The following SLC11A2 variants were observed in gnomAD, a reference collection of about 807,000 sequenced individuals.
The protein encoded by SLC11A2 is natural resistance-associated macrophage protein 2.
SLC11A2 carries 38 observed loss-of-function variants against 68.0 expected under a neutral mutation model. That is an observed-to-expected ratio of 0.56 (90% CI 0.43 to 0.73). The LOEUF (loss-of-function observed/expected upper bound fraction) is 0.73. Among genes scored for constraint, SLC11A2 ranks in the 30% least tolerant of loss-of-function variants. The pLI is 0.00. For missense variants in SLC11A2, 517 were observed against 690.5 expected, an observed-to-expected ratio of 0.75 and a Z score of 2.82; for synonymous variants, 242 against 250.6, an observed-to-expected ratio of 0.97 and a Z score of 0.32.
At chr12:50,999,063 C>T (rs1941979154) in intron 8 of SLC11A2, 111 bp downstream of exon 8, 1 of 910,656 alleles carries the variant, frequency 1.1e-6, no homozygotes, top group African/African-American at 1.7e-5. Context: ...TTGATACACC[C>T]ACTATAAGTG....
At chr12:50,961,102 G>A in the SLC11A2 span, 1 of 1,613,650 alleles carries the variant, frequency 6.2e-7, no homozygotes, top group Admixed American at 1.7e-5. Flanking sequence ...TGTGACTCTA[G>A]GTAACCCGCT....
chr12:50,992,710 C>A, intron 12 of SLC11A2, 100 bp downstream of exon 12: 1 of 1,308,392 alleles, frequency 7.6e-7, no homozygotes, highest in Non-Finnish European at 1.1e-6. Context: ...CCAACTTGGG[C>A]GACGAGTGAG....
intron 1 of SLC11A2, among the ~76,000 whole-genome samples, chr12:51,016,528 A>G (rs748534538): frequency 1.3e-5 from 2 of 151,988 alleles, no homozygotes; most frequent in Non-Finnish European, 2.9e-5. Context: ...CTTAAGATAC[A>G]AAAAATTAGC....
Position 50,987,758 on chromosome 12 carries a change from T to G in SLC11A2, c.*567A>C. The G allele has an allele frequency of 7.8e-7, 1 of 1,287,054 alleles. No homozygotes were observed. Among genetic ancestry groups the G allele is most frequent in the Non-Finnish European group, 1.0e-6 (1 of 988,640 alleles). The allele number at this position is 1,287,054 out of a possible 1,614,324, so 79.7% of individuals were successfully genotyped here. A position where few individuals can be genotyped will look rare whatever the true frequency, so the allele number is the denominator to read the frequency against. ...TTCCACTGAGAAATTAAAGTGGAAATAAGTTCAAAGAATCCTAAGCCTGAT... is the reference window on the plus strand; with the variant it reads ...TTCCACTGAGAAATTAAAGTGGAAAGAAGTTCAAAGAATCCTAAGCCTGAT... On this transcript the variant is annotated 3_prime_UTR_variant, in exon 16 of 16. Coordinates refer to ENST00000262052, the MANE Select transcript of SLC11A2 (RefSeq NM_000617.3).
intron 1 of SLC11A2, among the ~76,000 whole-genome samples, chr12:51,020,081 G>T (rs1943934965): frequency 6.6e-6 from 1 of 151,524 alleles, no homozygotes; most frequent in African/African-American, 2.4e-5. Context: ...TTTGAGACAG[G>T]GTCTTACAGA....
downstream of SLC11A2, among the ~76,000 whole-genome samples, chr12:50,985,230 G>A (rs577291906): frequency 6.6e-6 from 1 of 152,162 alleles, no homozygotes; most frequent in African/African-American, 2.4e-5. Context: ...CCAGAGGGCA[G>A]AGCTAAAGGA....
chr12:51,012,021 A>C (rs539941275), intron 1 of SLC11A2, among the ~76,000 whole-genome samples: 3 of 152,348 alleles, frequency 2.0e-5, no homozygotes, highest in Admixed American at 2.0e-4. Flanking sequence ...CTTCCTAAGA[A>C]AGTAAAGTCT....
rs759165922 is a variant in SLC11A2 at position 51,005,449 on chromosome 12, G to C, written c.184-13C>G. ...TAAAACAAGAGTACTGTACAAGAGA[G>C]GAAAAGAGATTAAACTGAACATCAC... On this transcript the variant is annotated splice_polypyrimidine_tract_variant and intron_variant, in intron 3 of 15. Coordinates refer to ENST00000262052, the MANE Select transcript of SLC11A2 (RefSeq NM_000617.3). The C allele has an allele frequency of 6.2e-7, 1 of 1,613,138 alleles. No homozygotes were observed. The highest frequency in any genetic ancestry group is 8.5e-7 in the Non-Finnish European group (1 of 1,179,472).
chr12:51,011,111 G>C (rs895783857), intron 1 of SLC11A2, among the ~76,000 whole-genome samples: 5 of 147,360 alleles, frequency 3.4e-5, no homozygotes, highest in African/African-American at 1.3e-4. Context: ...ATTTTAGTGA[G>C]ACAGCAAATA....
chr12:50,974,244 G>A, the SLC11A2 span, among the ~76,000 whole-genome samples: 1 of 152,180 alleles, frequency 6.6e-6, no homozygotes, highest in Admixed American at 6.5e-5. Context: ...AGAGAGAAAG[G>A]TCGGGTTACC....
the SLC11A2 span, chr12:50,954,133 C>T: frequency 8.6e-7 from 1 of 1,164,634 alleles, no homozygotes; most frequent in South Asian, 1.3e-5. Context: ...ACTGTAATAA[C>T]ACAATGATGC....
rs1941186537 is a variant in SLC11A2, at chr12:50,991,869, A to G, written c.1348-197T>C. Among the ~76,000 whole-genome samples, 3 of 152,218 alleles carry G rather than the reference A, an allele frequency of 2.0e-5. No individual in the cohort carries two copies. In the South Asian group the frequency reaches 6.2e-4, roughly 31 times the overall value. On this transcript the variant is annotated intron_variant, in intron 13 of 15. Transcript: ENST00000262052. Reference sequence around the variant, plus strand: ...ATTAACCTAGCATACAAACCTTTGTATGTGACTTGTCTTCTTAACCTCCAC... The same window carrying G: ...ATTAACCTAGCATACAAACCTTTGTGTGTGACTTGTCTTCTTAACCTCCAC...
intron 2 of SLC11A2, chr12:51,009,052 A>C: frequency 1.1e-6 from 1 of 946,852 alleles, no homozygotes; most frequent in Non-Finnish European, 1.6e-6. Flanking sequence ...CTAGCTTTTA[A>C]AAGAAAAGAA....
chr12:50,994,405 G>T (rs1592334003), intron 11 of SLC11A2, 139 bp downstream of exon 11: 1 of 696,742 alleles, frequency 1.4e-6, no homozygotes, highest in East Asian at 2.7e-5. Context: ...CAAAATGCTT[G>T]TCTGGTGTCT....
At chr12:51,009,941 G>A (rs1943062910) in intron 2 of SLC11A2, among the ~76,000 whole-genome samples, 1 of 152,110 alleles carries the variant, frequency 6.6e-6, no homozygotes, top group Non-Finnish European at 1.5e-5. Context: ...CAGCATTTTG[G>A]GAGGCCGAGA....
upstream of SLC11A2, chr12:51,028,512 A>G: frequency 3.0e-6 from 1 of 337,736 alleles, no homozygotes; most frequent in Non-Finnish European, 5.3e-6. Context: ...TCTCTGTACC[A>G]TTTGGCAGGA....
At chr12:50,992,383 CAA>C in intron 12 of SLC11A2, 44 bp from the exon 13 acceptor site, 1 of 1,602,202 alleles carries the variant, frequency 6.2e-7, no homozygotes, top group Non-Finnish European at 8.5e-7. Context: ...CAACAGGAAA[CAA>C]AAAAAAGTTT....
At chr12:51,001,836 C>A (rs1319847911) in intron 5 of SLC11A2, among the ~76,000 whole-genome samples, 1 of 152,052 alleles carries the variant, frequency 6.6e-6, no homozygotes, top group East Asian at 1.9e-4. Flanking sequence ...AAGACTGTCT[C>A]AACAAACCAC....
At chr12:50,978,786 C>G (rs371079624), downstream of SLC11A2, among the ~76,000 whole-genome samples, 2 of 152,052 alleles carry the variant, frequency 1.3e-5, no homozygotes, top group East Asian at 3.9e-4. Context: ...CTTGAATTTG[C>G]AAAAGACTTC....
Sources: allele counts gnomAD v4.1 joint callset (sites outside exome capture counted in the v4.1 genomes callset), GRCh38; gene constraint gnomAD v4.1.1; transcripts MANE v1.5; gene names NCBI Gene and HGNC (gene_info 2026-07-23, HGNC 2026-07-21).